TRPC4AP: variants seen among roughly 807,000 people sequenced by gnomAD.
TRPC4AP encodes the protein transient receptor potential cation channel subfamily C member 4 associated protein.
In TRPC4AP, 45 loss-of-function variants were observed where a neutral mutation model predicts 99.0. The observed-to-expected ratio is 0.45, with a 90% CI of 0.36 to 0.58. The LOEUF is 0.58. Ranked by LOEUF, TRPC4AP falls within the 20% of genes least tolerant of loss-of-function variation. The pLI, the probability that TRPC4AP is intolerant of heterozygous loss-of-function variation, is 0.00. For synonymous variants in TRPC4AP, 408 were observed against 385.8 expected (o/e 1.06, Z -0.67); for missense variants, 879 against 985.3 (o/e 0.89, Z 1.44).
chr20:35,092,681 G>C lies in TRPC4AP; in HGVS notation c.101C>G (p.Pro34Arg). 5 of 1,529,436 alleles carry C rather than the reference G, an allele frequency of 3.3e-6. No individual in the cohort carries two copies. The highest frequency in any genetic ancestry group is 4.4e-6 in the Non-Finnish European group (5 of 1,147,608). The allele number at this position is 1,529,436 out of a possible 1,614,324, so 94.7% of individuals were successfully genotyped here. Residue 34 changes from proline (P) to arginine (R), a missense_variant, in exon 1 of 19, where the codon CCT becomes CGT. Coordinates refer to ENST00000252015, the MANE Select transcript of TRPC4AP (RefSeq NM_015638.3). ...AWGGWGGRPR[P>R]GNILLQLRQG... ...CCGCAGCTGCAGCAGAATGTTACCA[G>C]GCCGCGGCCGGCCGCCCCATCCGCC...
At chr20:35,080,805 T>TTTCG (rs1555917128) in intron 1 of TRPC4AP, among the ~76,000 whole-genome samples, 2 of 139,090 alleles carry the variant, frequency 1.4e-5, no homozygotes, top group African/African-American at 3.0e-5. Context: ...TACACTTCAG[T>TTTCG]TTTTTTTTTT....
intron 8 of TRPC4AP, among the ~76,000 whole-genome samples, chr20:35,027,919 A>T (rs1210021535): frequency 6.6e-6 from 1 of 151,936 alleles, no homozygotes; most frequent in Non-Finnish European, 1.5e-5. Context: ...AAAGTTTGTC[A>T]ACTTTGTTGA....
At chr20:35,075,208 T>C (rs1029907484) in intron 2 of TRPC4AP, among the ~76,000 whole-genome samples, 2 of 152,218 alleles carry the variant, frequency 1.3e-5, no homozygotes, top group Non-Finnish European at 2.9e-5. Context: ...CTAGACTCTT[T>C]ATCCAATTTG....
chr20:35,003,372 C>T (rs747619622), intron 18 of TRPC4AP, 38 bp downstream of exon 18: 17 of 1,588,556 alleles, frequency 1.1e-5, no homozygotes, highest in African/African-American at 1.5e-5. Context: ...CCTGGGTCCG[C>T]GGCCCACCCA....
intron 2 of TRPC4AP, among the ~76,000 whole-genome samples, chr20:35,075,825 T>G (rs2084463389): frequency 6.6e-6 from 1 of 152,244 alleles, no homozygotes; most frequent in African/African-American, 2.4e-5. Flanking sequence ...ATTGGGGAAG[T>G]TCTCCTGGAT....
At chr20:35,069,148 T>C (rs1600637943) in intron 3 of TRPC4AP, 148 bp downstream of exon 3, 1 of 598,388 alleles carries the variant, frequency 1.7e-6, no homozygotes, top group East Asian at 2.8e-5. Flanking sequence ...ACTATGCTGC[T>C]TCAACATGTA....
At chr20:35,074,885 T>C (rs2084429676) in intron 2 of TRPC4AP, among the ~76,000 whole-genome samples, 1 of 152,172 alleles carries the variant, frequency 6.6e-6, no homozygotes, top group Non-Finnish European at 1.5e-5. Flanking sequence ...AAGTCTCCCA[T>C]TATTATTGTG....
At chr20:35,011,659 C>A (rs561703612) in intron 11 of TRPC4AP, among the ~76,000 whole-genome samples, 5 of 150,106 alleles carry the variant, frequency 3.3e-5, no homozygotes, top group Admixed American at 2.7e-4. Flanking sequence ...TGACCCACAA[C>A]GTCCTGTGCA....
intron 5 of TRPC4AP, among the ~76,000 whole-genome samples, chr20:35,054,460 C>T (rs2083778791): frequency 6.6e-6 from 1 of 152,094 alleles, no homozygotes; most frequent in South Asian, 2.1e-4. Context: ...GTGTACTAAG[C>T]CAAGGGCCAG....
chr20:35,052,812 T>G (rs1243177020), intron 5 of TRPC4AP, among the ~76,000 whole-genome samples: 1 of 152,126 alleles, frequency 6.6e-6, no homozygotes, highest in Non-Finnish European at 1.5e-5. Context: ...TTTAAACTTT[T>G]GAATTCAAAC....
At chr20:35,053,830 T>G (rs1295977836) in intron 5 of TRPC4AP, among the ~76,000 whole-genome samples, 1 of 152,224 alleles carries the variant, frequency 6.6e-6, no homozygotes, top group Non-Finnish European at 1.5e-5. Flanking sequence ...TTCTTCCTAC[T>G]TTTTTCTTTA....
In TRPC4AP at chr20:35,021,370, CG is replaced by C; in HGVS notation, c.1052-15del. Reference sequence around the variant, plus strand: ...ACACAATGGAGGCTGACACAGCCACCGGAGACAGGATTGAGTCACAGCTTGT... The same window carrying C: ...ACACAATGGAGGCTGACACAGCCACCGAGACAGGATTGAGTCACAGCTTGT... On this transcript the variant is annotated splice_polypyrimidine_tract_variant and intron_variant, in intron 8 of 18. Transcript: ENST00000252015. 1 of 1,611,722 alleles carries C rather than the reference CG, an allele frequency of 6.2e-7. No homozygotes were observed. The highest frequency in any genetic ancestry group is 8.5e-7 in the Non-Finnish European group (1 of 1,178,574).
chr20:35,009,250 G>A (rs535277916), intron 12 of TRPC4AP, among the ~76,000 whole-genome samples: 18 of 152,336 alleles, frequency 1.2e-4, no homozygotes, highest in South Asian at 1.0e-3. Flanking sequence ...GGCCAGGCAC[G>A]CAGGGGTCTG....
intron 6 of TRPC4AP, among the ~76,000 whole-genome samples, chr20:35,045,705 A>G (rs1459914476): frequency 1.3e-5 from 2 of 152,016 alleles, no homozygotes; most frequent in African/African-American, 4.8e-5. Context: ...CGCCTGGCTA[A>G]TTTTTGTATT....
intron 3 of TRPC4AP, among the ~76,000 whole-genome samples, chr20:35,064,840 T>G (rs1258106125): frequency 6.6e-6 from 1 of 152,234 alleles, no homozygotes; most frequent in Non-Finnish European, 1.5e-5. Flanking sequence ...ATTAACAACT[T>G]CATAAAATTC....
At chr20:35,018,920 T>C (rs1009881693) in intron 9 of TRPC4AP, among the ~76,000 whole-genome samples, 9 of 152,168 alleles carry the variant, frequency 5.9e-5, no homozygotes, top group Admixed American at 5.9e-4. Flanking sequence ...GATGGAGCTG[T>C]TGAAAAGGCT....
intron 2 of TRPC4AP, among the ~76,000 whole-genome samples, chr20:35,071,301 C>T (rs1218457747): frequency 2.6e-5 from 4 of 151,962 alleles, no homozygotes. Flanking sequence ...TTTTATTATA[C>T]TTTAAGTTCT....
At chr20:35,085,610 A>T (rs1026044765) in intron 1 of TRPC4AP, among the ~76,000 whole-genome samples, 1 of 7,304 alleles carries the variant, frequency 1.4e-4, no homozygotes, top group Non-Finnish European at 1.9e-4. Flanking sequence ...GACCCTGTCT[A>T]AAAAAAAAAA....
At chr20:35,038,656 G>C (rs575856024) in intron 7 of TRPC4AP, among the ~76,000 whole-genome samples, 2 of 152,090 alleles carry the variant, frequency 1.3e-5, no homozygotes, top group African/African-American at 4.8e-5. Context: ...GGCATGTATA[G>C]AATATTTTTC....
Sources: gnomAD v4.1 joint callset for allele counts (sites outside exome capture counted in the v4.1 genomes callset) on GRCh38, gnomAD v4.1.1 for gene constraint, MANE v1.5 for transcripts, NCBI Gene and HGNC (gene_info 2026-07-23, HGNC 2026-07-21) for gene names.